The following EEA1 variants were observed in gnomAD, a reference collection of about 807,000 sequenced individuals.
EEA1 encodes early endosome antigen 1, 162kD.
Under a neutral mutation model 209.2 loss-of-function variants are expected in EEA1, and 111 were observed. That is an observed-to-expected ratio of 0.53 (90% CI 0.45 to 0.62). The LOEUF (loss-of-function observed/expected upper bound fraction) is 0.62. Ranked by LOEUF, EEA1 falls within the 20% of genes least tolerant of loss-of-function variation. The pLI is 0.00. For missense variants in EEA1, 1,343 were observed against 1,530.8 expected (o/e 0.88, Z 2.05); for synonymous variants, 536 against 540.6 (o/e 0.99, Z 0.12).
chr12:92,852,146 T>C (rs763561191), intron 8 of EEA1, 29 bp downstream of exon 8: 4 of 1,540,818 alleles, frequency 2.6e-6, no homozygotes, highest in Non-Finnish European at 2.6e-6. Flanking sequence ...GGTATAAGAG[T>C]ACATCTCAAT....
intron 16 of EEA1, among the ~76,000 whole-genome samples, chr12:92,812,005 A>C (rs547991864): frequency 1.3e-5 from 2 of 152,190 alleles, no homozygotes; most frequent in African/African-American, 2.4e-5. Context: ...CTGTTTTTTA[A>C]CTTGATATAC....
At chr12:92,901,331 T>C (rs185954099) in intron 1 of EEA1, among the ~76,000 whole-genome samples, 70 of 152,086 alleles carry the variant, frequency 4.6e-4, no homozygotes, top group African/African-American at 1.7e-3. Context: ...GGATTACAGG[T>C]GTGAGCCACC....
chr12:92,884,586 G>A (rs1250769785), intron 2 of EEA1: 2 of 1,471,126 alleles, frequency 1.4e-6, no homozygotes, highest in Non-Finnish European at 9.4e-7. Context: ...GGAAACTTTG[G>A]AGGCAGAAGC....
intron 3 of EEA1, among the ~76,000 whole-genome samples, chr12:92,861,293 T>C (rs1878134403): frequency 6.6e-6 from 1 of 152,060 alleles, no homozygotes; most frequent in Non-Finnish European, 1.5e-5. Context: ...CCATCTCTAC[T>C]AAAAATACAA....
In EEA1 at chr12:92,802,410, T is replaced by TA; in HGVS notation, c.2663dup (p.Leu888PhefsTer23). ...GTAAATGTAAACTACTAACCAAGTC[T>TA]AATATAGCGGCTTTTCCTTTCTGAT... On this transcript the variant is annotated frameshift_variant, in exon 19 of 29. Coordinates refer to ENST00000322349, the MANE Select transcript of EEA1 (RefSeq NM_003566.4). LOFTEE classifies it high-confidence loss of function. The TA allele has an allele frequency of 6.4e-7, 1 of 1,570,364 alleles. No homozygotes were observed. Among genetic ancestry groups the TA allele is most frequent in the Non-Finnish European group, 8.6e-7 (1 of 1,168,918 alleles).
chr12:92,912,385 T>C (rs2136778001), intron 1 of EEA1, among the ~76,000 whole-genome samples: 1 of 152,212 alleles, frequency 6.6e-6, no homozygotes, highest in South Asian at 2.1e-4. Flanking sequence ...TAGTAGCAAA[T>C]GAGACACAAG....
chr12:92,907,545 CCTTGGCCACTACCTTAATTCATG>C (rs1880427868), intron 1 of EEA1, among the ~76,000 whole-genome samples: 1 of 152,158 alleles, frequency 6.6e-6, no homozygotes, highest in African/African-American at 2.4e-5. Flanking sequence ...TTCTCCATCT[CCTTGGCCACTACCTTAATTCATG>C]TTGCAATCAT....
intron 1 of EEA1, among the ~76,000 whole-genome samples, chr12:92,903,686 G>T (rs1233158910): frequency 1.5e-4 from 23 of 151,494 alleles, no homozygotes; most frequent in Non-Finnish European, 1.6e-4. Flanking sequence ...AGAAAGAAAA[G>T]AATGTATATG....
intron 10 of EEA1, among the ~76,000 whole-genome samples, chr12:92,841,192 G>A (rs533240430): frequency 2.6e-5 from 4 of 152,118 alleles, no homozygotes; most frequent in Non-Finnish European, 4.4e-5. Flanking sequence ...TCTGACAAGG[G>A]TGCCAAGATT....
chr12:92,810,663 T>A (rs186786404), intron 17 of EEA1, among the ~76,000 whole-genome samples: 32 of 152,132 alleles, frequency 2.1e-4, no homozygotes, highest in African/African-American at 3.6e-4. Flanking sequence ...AAATTTTTTT[T>A]TTTTTTATTT....
intron 20 of EEA1, among the ~76,000 whole-genome samples, chr12:92,800,993 A>G (rs1315674868): frequency 2.0e-5 from 3 of 152,224 alleles, no homozygotes; most frequent in East Asian, 1.9e-4. Flanking sequence ...TTTTCTAGAA[A>G]GTTGCATACC....
chr12:92,832,828 T>A lies in EEA1; in HGVS notation c.938A>T (p.Lys313Ile). The A allele has an allele frequency of 1.2e-6, 2 of 1,603,050 alleles. No individual in the cohort carries two copies. Among genetic ancestry groups the A allele is most frequent in the Non-Finnish European group, 1.7e-6 (2 of 1,176,602 alleles). Reference protein sequence around the residue: ...KNQTLTENLLKKEQDYTKLEE... With the variant: ...KNQTLTENLLIKEQDYTKLEE... ...TAACTTAGTATAGTCTTGTTCTTTT[T>A]TCAGCAAGTTTTCTGTCAAGGTCTA... The change falls in exon 11 of 29, where the codon AAA becomes ATA. Residue 313 changes from lysine (K) to isoleucine (I), a missense_variant. Physicochemically the swap from Lys to Ile is moderately radical, Grantham distance 102 (BLOSUM62 -3). Coordinates refer to ENST00000322349, the MANE Select transcript of EEA1 (RefSeq NM_003566.4).
chr12:92,921,067 T>C (rs1252277380), intron 1 of EEA1, among the ~76,000 whole-genome samples: 2 of 152,156 alleles, frequency 1.3e-5, no homozygotes, highest in Non-Finnish European at 2.9e-5. Flanking sequence ...TCACACCAGT[T>C]AGAATGGCGA....
chr12:92,799,336 G>C (rs1375252502), intron 20 of EEA1, among the ~76,000 whole-genome samples: 1 of 151,922 alleles, frequency 6.6e-6, no homozygotes, highest in Admixed American at 6.6e-5. Context: ...GTGACATGCT[G>C]GATTAATCTT....
chr12:92,859,247 G>T, intron 3 of EEA1: 1 of 1,611,096 alleles, frequency 6.2e-7, no homozygotes, highest in South Asian at 1.1e-5. Context: ...AGCTTCCCAT[G>T]GGAAGTGCCC....
rs1231645701 is a variant in EEA1 at position 92,788,591 on chromosome 12, C to G, written c.2968-542G>C. Among the ~76,000 whole-genome samples the G allele has an allele frequency of 3.3e-5, 5 of 152,086 alleles. No homozygotes were observed. In the East Asian group the frequency reaches 9.6e-4, roughly 29 times the overall value. ...AAACTCTAAACTTGTCTTTAGTCTT[C>G]AAGAAGATTCAGGAGATATGCACAA... On this transcript the variant is annotated intron_variant, in intron 21 of 28. Coordinates refer to ENST00000322349, the MANE Select transcript of EEA1 (RefSeq NM_003566.4).
chr12:92,779,304 T>C lies in EEA1; in HGVS notation c.3469-4A>G. 6.4e-7 allele frequency: 1 copy of C among 1,574,570 alleles called. No individual in the cohort carries two copies. Among genetic ancestry groups the C allele is most frequent in the Non-Finnish European group, 8.6e-7 (1 of 1,169,466 alleles). ...CATCTTTAAGATTTGTTATCTCCTG[T>C]TGAAAAAGTAGGGCCAAAAATAAAT... On this transcript the variant is annotated splice_region_variant and splice_polypyrimidine_tract_variant and intron_variant, in intron 24 of 28. Coordinates refer to ENST00000322349, the MANE Select transcript of EEA1 (RefSeq NM_003566.4).
intron 1 of EEA1, among the ~76,000 whole-genome samples, chr12:92,911,727 T>A (rs990826996): frequency 6.6e-6 from 1 of 152,250 alleles, no homozygotes; most frequent in African/African-American, 2.4e-5. Flanking sequence ...TCTATGCATG[T>A]GTAGGGGCAG....
chr12:92,920,422 A>G (rs1419641120), intron 1 of EEA1, among the ~76,000 whole-genome samples: 1 of 145,522 alleles, frequency 6.9e-6, no homozygotes, highest in African/African-American at 2.7e-5. Flanking sequence ...GGAACAGAAC[A>G]GAGCCCTCAG....
Sources: allele counts gnomAD v4.1 joint callset (sites outside exome capture counted in the v4.1 genomes callset), GRCh38; gene constraint gnomAD v4.1.1; transcripts MANE v1.5; gene names NCBI Gene and HGNC (gene_info 2026-07-23, HGNC 2026-07-21).